TMEM236: variants seen among roughly 807,000 people sequenced by gnomAD.
TMEM236 encodes family with sequence similarity 23, member A.
Under a neutral mutation model 14.7 loss-of-function variants are expected in TMEM236, and 11 were observed. That is an observed-to-expected ratio of 0.75 (90% CI 0.47 to 1.24). TMEM236 has a LOEUF of 1.24. TMEM236 is among the 50% of genes most tolerant of loss of function. The pLI is 0.00. For missense variants in TMEM236, 464 were observed against 427.3 expected (o/e 1.09, Z -0.76); for synonymous variants, 182 against 168.6 (o/e 1.08, Z -0.62).
At chr10:17,755,887 C>CTGT (rs1837277845) in intron 1 of TMEM236, among the ~76,000 whole-genome samples, 1 of 152,164 alleles carries the variant, frequency 6.6e-6, no homozygotes, top group South Asian at 2.1e-4. Flanking sequence ...ATATAACTTA[C>CTGT]TGTTATTATT....
At chr10:17,762,600 TATATATATATATATATATAC>T (rs1241287215) in intron 1 of TMEM236, among the ~76,000 whole-genome samples, 2,283 of 81,106 alleles carry the variant, frequency 0.028, 120 homozygotes, top group African/African-American at 0.14. Context: ...TATATATATA[TATATATATATATATATATAC>T]ACACATACAT....
chr10:17,790,324 G>A (rs1040115666), intron 3 of TMEM236, among the ~76,000 whole-genome samples: 4 of 152,198 alleles, frequency 2.6e-5, no homozygotes, highest in Non-Finnish European at 5.9e-5. Context: ...CTAGAAGGGT[G>A]AGAATCATAC....
At chr10:17,782,397 C>CT (rs1454747017) in intron 3 of TMEM236, among the ~76,000 whole-genome samples, 2 of 150,564 alleles carry the variant, frequency 1.3e-5, no homozygotes, top group Non-Finnish European at 1.5e-5. Flanking sequence ...TTCTGCAACT[C>CT]TTCTTTTTTT....
At chr10:17,786,656 G>A (rs1380654294) in intron 3 of TMEM236, among the ~76,000 whole-genome samples, 9 of 152,192 alleles carry the variant, frequency 5.9e-5, no homozygotes, top group African/African-American at 2.2e-4. Context: ...TTCTGGATGT[G>A]TGTGCATAGG....
At chr10:17,758,942 G>A (rs1378864362) in intron 1 of TMEM236, among the ~76,000 whole-genome samples, 2 of 152,136 alleles carry the variant, frequency 1.3e-5, no homozygotes, top group Non-Finnish European at 2.9e-5. Flanking sequence ...GTTCTCACTA[G>A]GCCTCCATGC....
intron 1 of TMEM236, among the ~76,000 whole-genome samples, chr10:17,769,473 C>T (rs995500798): frequency 5.8e-4 from 88 of 152,266 alleles, no homozygotes; most frequent in Middle Eastern, 6.8e-3. Flanking sequence ...GCAATGGGAA[C>T]GGATGAGATA....
intron 1 of TMEM236, among the ~76,000 whole-genome samples, chr10:17,753,606 C>T (rs951163349): frequency 2.6e-5 from 4 of 152,168 alleles, no homozygotes; most frequent in Admixed American, 1.3e-4. Flanking sequence ...GCATAGCATT[C>T]GATAAAGTAT....
intron 1 of TMEM236, 64 bp downstream of exon 1, chr10:17,752,616 G>C (rs34139892): frequency 0.061 from 94,378 of 1,535,230 alleles, 3,359 homozygotes; most frequent in Non-Finnish European, 0.071. Flanking sequence ...ACCCAGGCTG[G>C]AGTGCAGTAG....
In TMEM236 at chr10:17,796,445, T is replaced by C; in HGVS notation, c.997T>C (p.Tyr333His). The C allele has an allele frequency of 6.2e-7, 1 of 1,613,842 alleles. No individual in the cohort carries two copies. The highest frequency in any genetic ancestry group is 8.5e-7 in the Non-Finnish European group (1 of 1,179,840). Residue 333 changes from tyrosine (Y) to histidine (H), a missense_variant, in exon 4 of 4, where the codon TAC becomes CAC. Physicochemically the swap from Tyr to His is moderately conservative, Grantham distance 83. Coordinates refer to ENST00000377495, the MANE Select transcript of TMEM236 (RefSeq NM_001098844.3). ...TATCCTCGTGACTCTCTCTTACATT[T>C]ACTTCAATTACCTAACCAGAATCAG... Reference protein sequence around the residue: ...KNILVTLSYIYFNYLTRIRIF... With the variant: ...KNILVTLSYIHFNYLTRIRIF...
intron 3 of TMEM236, among the ~76,000 whole-genome samples, chr10:17,786,229 C>A (rs1306826657): frequency 6.6e-6 from 1 of 152,174 alleles, no homozygotes; most frequent in Non-Finnish European, 1.5e-5. Flanking sequence ...CTTTATAATA[C>A]CAAGCCTTGT....
intron 3 of TMEM236, among the ~76,000 whole-genome samples, chr10:17,792,579 G>A (rs1837943993): frequency 6.6e-6 from 1 of 152,164 alleles, no homozygotes; most frequent in South Asian, 2.1e-4. Context: ...TGTAACAGTT[G>A]CCTACTTAGC....
intron 3 of TMEM236, among the ~76,000 whole-genome samples, chr10:17,792,980 A>C (rs1398744551): frequency 6.6e-6 from 1 of 152,170 alleles, no homozygotes; most frequent in Non-Finnish European, 1.5e-5. Flanking sequence ...CCCTCCAATG[A>C]CCAAAAGGTT....
intron 3 of TMEM236, among the ~76,000 whole-genome samples, chr10:17,781,373 T>G (rs936455071): frequency 1.3e-5 from 2 of 152,192 alleles, no homozygotes; most frequent in Non-Finnish European, 2.9e-5. Context: ...GCAAGTTTCC[T>G]TCTTAAAACT....
At chr10:17,789,251 G>A (rs1837884166) in intron 3 of TMEM236, among the ~76,000 whole-genome samples, 2 of 152,184 alleles carry the variant, frequency 1.3e-5, no homozygotes, top group Admixed American at 1.3e-4. Context: ...TCTGTAGTGT[G>A]ACAGTCTTTC....
intron 2 of TMEM236, among the ~76,000 whole-genome samples, chr10:17,773,058 C>T (rs1837600071): frequency 6.6e-6 from 1 of 152,170 alleles, no homozygotes; most frequent in Non-Finnish European, 1.5e-5. Context: ...TCATAATTTA[C>T]TTATCTGTTC....
At chr10:17,782,677 C>T (rs990533422) in intron 3 of TMEM236, among the ~76,000 whole-genome samples, 3 of 152,088 alleles carry the variant, frequency 2.0e-5, no homozygotes, top group Non-Finnish European at 1.5e-5. Context: ...GTCTTCAACT[C>T]CTGACCTCAA....
intron 1 of TMEM236, among the ~76,000 whole-genome samples, chr10:17,759,380 T>G (rs1012851809): frequency 1.3e-5 from 2 of 152,174 alleles, no homozygotes; most frequent in Non-Finnish European, 2.9e-5. Flanking sequence ...TTTTGGGTGT[T>G]CTTTTGAGTC....
intron 1 of TMEM236, among the ~76,000 whole-genome samples, chr10:17,765,703 C>CT (rs1400309730): frequency 6.6e-6 from 1 of 152,188 alleles, no homozygotes; most frequent in Non-Finnish European, 1.5e-5. Flanking sequence ...AAATAATCCT[C>CT]TGTGTCTTGA....
At position 17,762,606 on chromosome 10, in the gene TMEM236, T is replaced by C. The variant is rs1478732306; in HGVS notation, c.258-8703T>C. 4.3e-4 allele frequency among the ~76,000 whole-genome samples: 33 copies of C among 77,496 alleles called. 2 individuals carry two copies. The highest frequency in any genetic ancestry group is 1.2e-3 in the Admixed American group (9 of 7,278). The allele number at this position is 77,496 out of a possible 152,430, so 50.8% of individuals were successfully genotyped here. ...ATATATATATATATATATATATATA[T>C]ATATATATATATACACACATACATA... On this transcript the variant is annotated intron_variant, in intron 1 of 3. Coordinates refer to ENST00000377495, the MANE Select transcript of TMEM236 (RefSeq NM_001098844.3).
Sources: allele counts gnomAD v4.1 joint callset (sites outside exome capture counted in the v4.1 genomes callset), GRCh38; gene constraint gnomAD v4.1.1; transcripts MANE v1.5; gene names NCBI Gene and HGNC (gene_info 2026-07-23, HGNC 2026-07-21).